The following TCF12 variants were observed in gnomAD, a reference collection of about 807,000 sequenced individuals.
The protein encoded by TCF12 is DNA-binding protein HTF4.
A neutral mutation model predicts 86.0 loss-of-function variants in TCF12; 45 were observed. That is an observed-to-expected ratio of 0.52 (90% confidence interval 0.41 to 0.67). The LOEUF (loss-of-function observed/expected upper bound fraction) is 0.67, where lower values mean the gene tolerates loss of function less well. Among genes scored for constraint, TCF12 ranks in the 30% least tolerant of loss-of-function variants. The pLI is 0.00. For missense variants in TCF12, 881 were observed against 859.9 expected (o/e 1.02, Z -0.31); for synonymous variants, 330 against 299.6 (o/e 1.10, Z -1.05).
intron 3 of TCF12, among the ~76,000 whole-genome samples, chr15:57,056,805 A>AG (rs2068067257): frequency 1.9e-4 from 21 of 109,200 alleles, no homozygotes; most frequent in African/African-American, 7.3e-4. Flanking sequence ...TGAGATTTTC[A>AG]CTTTTTTTTT....
At chr15:57,107,907 A>C (rs913194597) in intron 5 of TCF12, among the ~76,000 whole-genome samples, 4 of 152,174 alleles carry the variant, frequency 2.6e-5, no homozygotes, top group Admixed American at 6.5e-5. Context: ...GCCCTGTCTC[A>C]AAAATAAATA....
Position 57,256,158 on chromosome 15 carries a change from T to C in TCF12, c.1467+2690T>C, listed in dbSNP as rs2278684. Among the ~76,000 whole-genome samples, 258 of 152,330 alleles carry C rather than the reference T, an allele frequency of 1.7e-3. 6 individuals carry two copies. The East Asian group carries it at 0.042, about 25-fold the overall frequency. On this transcript the variant is annotated intron_variant, in intron 16 of 20. Coordinates refer to ENST00000333725, the MANE Select transcript of TCF12 (RefSeq NM_207037.2). ...CTCCTGTCCTTCTGAAGTAAGCCTT[T>C]TAGCTGTTGAGTCCTCAGTTCTCAG...
intron 11 of TCF12, 74 bp from the exon 12 acceptor site, chr15:57,233,969 G>A: frequency 8.3e-7 from 1 of 1,198,910 alleles, no homozygotes; most frequent in South Asian, 1.2e-5. Context: ...GAACACCCTT[G>A]GAATAATGGC....
intron 3 of TCF12, among the ~76,000 whole-genome samples, chr15:56,962,132 C>CAAAAAAA (rs397853683): frequency 3.2e-5 from 2 of 63,022 alleles, no homozygotes; most frequent in African/African-American, 1.1e-4. Context: ...GACTCCGTCT[C>CAAAAAAA]AAAAAAAAAA....
At chr15:57,005,131 T>C (rs1203094602) in intron 3 of TCF12, among the ~76,000 whole-genome samples, 1 of 152,234 alleles carries the variant, frequency 6.6e-6, no homozygotes, top group East Asian at 1.9e-4. Context: ...AGAAAAACAT[T>C]AGTTGATACT....
chr15:57,236,393 T>C (rs376231815), intron 12 of TCF12, among the ~76,000 whole-genome samples: 19 of 152,208 alleles, frequency 1.2e-4, no homozygotes, highest in East Asian at 1.2e-3. Flanking sequence ...GGATTACTTT[T>C]GAGAGTCTGA....
At chr15:57,219,529 G>T (rs2058481747) in intron 8 of TCF12, 2 of 1,613,054 alleles carry the variant, frequency 1.2e-6, no homozygotes, top group Non-Finnish European at 1.7e-6. Flanking sequence ...AACATGTATT[G>T]TGCTTATCCT....
chr15:56,937,317 A>G (rs1234345015), intron 3 of TCF12, among the ~76,000 whole-genome samples: 1 of 150,560 alleles, frequency 6.6e-6, no homozygotes, highest in Non-Finnish European at 1.5e-5. Flanking sequence ...GTATACGTTA[A>G]TTTGTATACG....
At chr15:56,998,457 C>CAAAAA (rs71113049) in intron 3 of TCF12, among the ~76,000 whole-genome samples, 2 of 110,668 alleles carry the variant, frequency 1.8e-5, no homozygotes, top group African/African-American at 3.7e-5. Context: ...AACTCTGTCT[C>CAAAAA]AAAAAAAAAA....
At chr15:57,096,513 T>A (rs2049333185) in intron 5 of TCF12, among the ~76,000 whole-genome samples, 1 of 152,090 alleles carries the variant, frequency 6.6e-6, no homozygotes, top group Non-Finnish European at 1.5e-5. Context: ...GATGCTCAAG[T>A]CCCTTATATA....
intron 3 of TCF12, among the ~76,000 whole-genome samples, chr15:56,984,291 T>TGTGTGTGA (rs1343986578): frequency 6.8e-6 from 1 of 146,460 alleles, no homozygotes; most frequent in South Asian, 2.2e-4. Flanking sequence ...TGTGTGTGTG[T>TGTGTGTGA]GTGAAGGGTG....
chr15:57,265,779 G>A (rs999680130), intron 18 of TCF12, among the ~76,000 whole-genome samples: 3 of 152,100 alleles, frequency 2.0e-5, no homozygotes, highest in Admixed American at 1.3e-4. Context: ...AGTGTGTACT[G>A]TACTTAATTG....
chr15:57,120,245 T>C lies in TCF12; in HGVS notation c.325+28354T>C, dbSNP rs1316906080. Among the ~76,000 whole-genome samples, 11 of 152,352 alleles carry C rather than the reference T, an allele frequency of 7.2e-5. No homozygotes were observed. In the South Asian group the frequency reaches 2.3e-3, roughly 32 times the overall value. ...CATGCTTGTCTTTTCTAGAAAGCCT[T>C]GCCTAAACTCCCAACTTGGATTCAG... On this transcript the variant is annotated intron_variant, in intron 5 of 20. Transcript: ENST00000333725.
intron 3 of TCF12, among the ~76,000 whole-genome samples, chr15:57,062,779 C>T (rs1019714278): frequency 7.2e-5 from 11 of 152,150 alleles, no homozygotes; most frequent in African/African-American, 2.4e-4. Flanking sequence ...AGAATGTTAT[C>T]ATTGTAGTAT....
chr15:57,187,373 T>G (rs1475926983), intron 6 of TCF12, among the ~76,000 whole-genome samples: 2 of 152,204 alleles, frequency 1.3e-5, no homozygotes, highest in African/African-American at 4.8e-5. Flanking sequence ...TTTCTACTTT[T>G]ACTGATTACA....
intron 3 of TCF12, among the ~76,000 whole-genome samples, chr15:57,012,902 A>C (rs1234082762): frequency 1.3e-5 from 2 of 152,072 alleles, no homozygotes; most frequent in African/African-American, 4.8e-5. Context: ...GGGATCAGTT[A>C]TATTATTTTT....
chr15:57,219,462 A>G (rs1246224271), intron 8 of TCF12: 17 of 1,572,604 alleles, frequency 1.1e-5, no homozygotes, highest in Non-Finnish European at 1.7e-6. Context: ...CTGTGTGGAT[A>G]TATGTCTTGG....
At chr15:57,266,471 A>G (rs527882631) in intron 18 of TCF12, among the ~76,000 whole-genome samples, 2 of 152,204 alleles carry the variant, frequency 1.3e-5, no homozygotes, top group Admixed American at 6.5e-5. Flanking sequence ...CCAGACTAGA[A>G]TAGTTGCCAC....
At chr15:57,155,002 C>T (rs188531622) in intron 5 of TCF12, among the ~76,000 whole-genome samples, 1 of 152,280 alleles carries the variant, frequency 6.6e-6, no homozygotes, top group African/African-American at 2.4e-5. Flanking sequence ...TCACAAAAAA[C>T]CCAGTGAGGT....
Sources: allele counts gnomAD v4.1 joint callset (sites outside exome capture counted in the v4.1 genomes callset), GRCh38; gene constraint gnomAD v4.1.1; transcripts MANE v1.5; gene names NCBI Gene and HGNC (gene_info 2026-07-23, HGNC 2026-07-21).